MRPL42: variants seen among roughly 807,000 people sequenced by gnomAD.
The protein encoded by MRPL42 is large ribosomal subunit protein mL42.
MRPL42 carries 17 observed loss-of-function variants against 17.9 expected under a neutral mutation model. That is an observed-to-expected ratio of 0.95 (90% CI 0.65 to 1.42). The LOEUF (loss-of-function observed/expected upper bound fraction) is 1.42. Ranked by LOEUF, MRPL42 falls within the 40% of genes most tolerant of loss-of-function variation. MRPL42 has a pLI of 0.00. For missense variants in MRPL42, 177 were observed against 175.2 expected, an observed-to-expected ratio of 1.01 and a Z score of -0.06; for synonymous variants, 59 against 54.4, an observed-to-expected ratio of 1.08 and a Z score of -0.37.
rs58207904 is a variant in MRPL42, at chr12:93,494,941, T to C, written c.384-6235T>C. Among the ~76,000 whole-genome samples, 95 of 152,324 alleles carry C rather than the reference T, an allele frequency of 6.2e-4. No individual in the cohort carries two copies. The East Asian group carries it at 0.016, about 26-fold the overall frequency. On this transcript the variant is annotated intron_variant, in intron 5 of 5. Transcript: ENST00000549982. ...CACACCATCAGGAACTCTAGAGATA[T>C]AGTGATACAGGGGTCCCCAGAGAAA...
rs567164191 is a variant in MRPL42, at chr12:93,511,790, A to G, written c.*10569A>G. Reference sequence around the variant, plus strand: ...TACTTTGTTAATTAATGTGGTTTGAAGCTTTGTAGGAATCCAATTGGATGG... The same window carrying G: ...TACTTTGTTAATTAATGTGGTTTGAGGCTTTGTAGGAATCCAATTGGATGG... On this transcript the variant is annotated 3_prime_UTR_variant, in exon 6 of 6. Transcript: ENST00000549982. 3.3e-4 allele frequency: 50 copies of G among 152,350 alleles called. No homozygotes were observed. The highest frequency in any genetic ancestry group is 5.2e-4 in the Admixed American group (8 of 15,300). The allele number at this position is 152,350 out of a possible 1,614,324, so 9.4% of individuals were successfully genotyped here.
chr12:93,481,392 C>T (rs1880453255), intron 4 of MRPL42, among the ~76,000 whole-genome samples: 1 of 152,200 alleles, frequency 6.6e-6, no homozygotes, highest in African/African-American at 2.4e-5. Flanking sequence ...ATCTCTGTAG[C>T]TCTTCACTGT....
chr12:93,487,427 T>G, intron 4 of MRPL42, 70 bp from the exon 5 acceptor site: 3 of 1,397,280 alleles, frequency 2.1e-6, no homozygotes, highest in Non-Finnish European at 3.0e-6. Flanking sequence ...AATTGTTTTA[T>G]TGTGATCTCA....
At position 93,512,333 on chromosome 12, in the gene MRPL42, TC is replaced by T. The variant is rs375354282; in HGVS notation, c.*11114del. On this transcript the variant is annotated 3_prime_UTR_variant, in exon 6 of 6. Transcript: ENST00000549982. ...TGGGCGTGGTGGCACACACCTGTATTCCTTGCTACTCGGGAGGCTAAGGCAG... is the reference window on the plus strand; with the variant it reads ...TGGGCGTGGTGGCACACACCTGTATTCTTGCTACTCGGGAGGCTAAGGCAG... The T allele has an allele frequency of 1.2e-4, 18 of 152,370 alleles. No individual in the cohort carries two copies. In the East Asian group the frequency reaches 2.1e-3, roughly 18 times the overall value. The allele number at this position is 152,370 out of a possible 1,614,324, so 9.4% of individuals were successfully genotyped here. A position where few individuals can be genotyped will look rare whatever the true frequency, so the allele number is the denominator to read the frequency against.
In MRPL42 at chr12:93,513,331, C is replaced by G. The variant is rs1051528410; in HGVS notation, c.*12110C>G. 10 of 151,656 alleles carry G rather than the reference C, an allele frequency of 6.6e-5. No homozygotes were observed. Among genetic ancestry groups the G allele is most frequent in the African/African-American group, 2.2e-4 (9 of 41,234 alleles). 9.4% of individuals were successfully genotyped at this position (151,656 alleles called of 1,614,324 possible). On this transcript the variant is annotated 3_prime_UTR_variant, in exon 6 of 6. Coordinates refer to ENST00000549982, the MANE Select transcript of MRPL42 (RefSeq NM_014050.4). ...TCACCTCAGCCTGCAGCTGGAGCTT[C>G]AGGTGTCTGCCATCACGCCTGGCAA...
At position 93,507,289 on chromosome 12, in the gene MRPL42, A is replaced by G. The variant is rs1251206546; in HGVS notation, c.*6068A>G. On this transcript the variant is annotated 3_prime_UTR_variant, in exon 6 of 6. Coordinates refer to ENST00000549982, the MANE Select transcript of MRPL42 (RefSeq NM_014050.4). The stretch of plus-strand genomic sequence containing the variant: ...GATTGTTTCCTTGTTCCAGTTATGC[A>G]TTCAGAGACACTCCACCTTATTTTC... The G allele has an allele frequency of 6.6e-6, 1 of 152,212 alleles. No homozygotes were observed. Among genetic ancestry groups the G allele is most frequent in the African/African-American group, 2.4e-5 (1 of 41,458 alleles). 9.4% of individuals were successfully genotyped at this position (152,212 alleles called of 1,614,324 possible). A position where few individuals can be genotyped will look rare whatever the true frequency, so the allele number is the denominator to read the frequency against.
chr12:93,497,643 A>T (rs1953528805), intron 5 of MRPL42, among the ~76,000 whole-genome samples: 1 of 152,100 alleles, frequency 6.6e-6, no homozygotes, highest in South Asian at 2.1e-4. Context: ...GCAAAAGCTG[A>T]GATCATTTCC....
At chr12:93,475,811 G>A (rs1382010458) in intron 2 of MRPL42, among the ~76,000 whole-genome samples, 1 of 151,738 alleles carries the variant, frequency 6.6e-6, no homozygotes, top group African/African-American at 2.4e-5. Context: ...GGCGAACCCC[G>A]TCTCTACTAA....
At chr12:93,490,394 A>G (rs1029320433) in intron 5 of MRPL42, among the ~76,000 whole-genome samples, 2 of 152,200 alleles carry the variant, frequency 1.3e-5, no homozygotes, top group African/African-American at 2.4e-5. Flanking sequence ...AGATTATCCC[A>G]ATATATATCC....
Position 93,512,913 on chromosome 12 carries a change from T to G in MRPL42, c.*11692T>G, listed in dbSNP as rs947115995. ...CTGGCAACTAATGAAGGATTAAAAA[T>G]GAATTTTGAAAATACCACACCACTT... On this transcript the variant is annotated 3_prime_UTR_variant, in exon 6 of 6. Transcript: ENST00000549982. 7 of 152,220 alleles carry G rather than the reference T, an allele frequency of 4.6e-5. No homozygotes were observed. The East Asian group carries it at 9.6e-4, about 21-fold the overall frequency. 9.4% of individuals were successfully genotyped at this position (152,220 alleles called of 1,614,324 possible).
In MRPL42 at chr12:93,516,051, T is replaced by C. The variant is rs1001320278; in HGVS notation, c.*14830T>C. 6.6e-6 allele frequency: 1 copy of C among 152,204 alleles called. No individual in the cohort carries two copies. Among genetic ancestry groups the C allele is most frequent in the African/African-American group, 2.4e-5 (1 of 41,442 alleles). The allele number at this position is 152,204 out of a possible 1,614,324, so 9.4% of individuals were successfully genotyped here. ...ATAATCATGAAATTCTCCTTCTTTC[T>C]GATAGTATCCAATCTGGAGCAAACC... On this transcript the variant is annotated 3_prime_UTR_variant, in exon 6 of 6. Transcript: ENST00000549982.
chr12:93,495,854 C>T (rs1953490476), intron 5 of MRPL42, among the ~76,000 whole-genome samples: 2 of 152,128 alleles, frequency 1.3e-5, no homozygotes, highest in Admixed American at 1.3e-4. Context: ...ATAAAACTTC[C>T]AAGAATCACT....
intron 5 of MRPL42, among the ~76,000 whole-genome samples, chr12:93,490,420 C>CA (rs1953389936): frequency 6.6e-6 from 1 of 152,146 alleles, no homozygotes; most frequent in South Asian, 2.1e-4. Flanking sequence ...AAGAGCTTGG[C>CA]AGAGAAACCC....
intron 5 of MRPL42, among the ~76,000 whole-genome samples, chr12:93,499,797 G>A (rs1430168872): frequency 1.3e-5 from 2 of 152,116 alleles, no homozygotes; most frequent in African/African-American, 4.8e-5. Flanking sequence ...GTATCAGGAA[G>A]TTGCCCATAT....
chr12:93,496,908 G>T (rs1032897857), intron 5 of MRPL42, among the ~76,000 whole-genome samples: 22 of 152,126 alleles, frequency 1.4e-4, no homozygotes, highest in Admixed American at 1.4e-3. Flanking sequence ...CGTCTCCCAG[G>T]TACAAGTGAT....
At chr12:93,483,846 A>G (rs1880581452) in intron 4 of MRPL42, among the ~76,000 whole-genome samples, 2 of 152,242 alleles carry the variant, frequency 1.3e-5, no homozygotes, top group African/African-American at 2.4e-5. Context: ...TTAGCTTAAA[A>G]TATCGTGTAC....
chr12:93,479,787 C>T (rs1880367453), intron 4 of MRPL42, among the ~76,000 whole-genome samples: 1 of 151,274 alleles, frequency 6.6e-6, no homozygotes, highest in African/African-American at 2.4e-5. Context: ...TCCCATGCTA[C>T]CCCATATTAT....
In MRPL42 at chr12:93,509,783, A is replaced by C. The variant is rs1481253946; in HGVS notation, c.*8562A>C. ...GATCCTCATCTCCTGAAAAAAAAAA[A>C]AAACTTTAGTTTTTAAAAGTAGTTT... is the stretch of plus-strand genomic sequence containing the variant. On this transcript the variant is annotated 3_prime_UTR_variant, in exon 6 of 6. Transcript: ENST00000549982. 2 of 152,150 alleles carry C rather than the reference A, an allele frequency of 1.3e-5. No homozygotes were observed. Among genetic ancestry groups the C allele is most frequent in the South Asian group, 4.1e-4 (2 of 4,828 alleles). The allele number at this position is 152,150 out of a possible 1,614,324, so 9.4% of individuals were successfully genotyped here.
Position 93,511,628 on chromosome 12 carries a change from A to G in MRPL42, c.*10407A>G, listed in dbSNP as rs1285906708. ...TTGCAATTGGTTTGATGTACCATTA[A>G]TATATAGATATTACTAATATGGCAA... On this transcript the variant is annotated 3_prime_UTR_variant, in exon 6 of 6. Coordinates refer to ENST00000549982, the MANE Select transcript of MRPL42 (RefSeq NM_014050.4). 1.3e-5 allele frequency: 2 copies of G among 152,218 alleles called. No individual in the cohort carries two copies. The highest frequency in any genetic ancestry group is 2.4e-5 in the African/African-American group (1 of 41,452). 9.4% of individuals were successfully genotyped at this position (152,218 alleles called of 1,614,324 possible).
Sources: gnomAD v4.1 joint callset for allele counts (sites outside exome capture counted in the v4.1 genomes callset) on GRCh38, gnomAD v4.1.1 for gene constraint, MANE v1.5 for transcripts, NCBI Gene and HGNC (gene_info 2026-07-23, HGNC 2026-07-21) for gene names.